AAK1: variants seen among roughly 807,000 people sequenced by gnomAD.
The protein encoded by AAK1 is AP2-associated protein kinase 1.
Under a neutral mutation model 116.0 loss-of-function variants are expected in AAK1, and 37 were observed. That is an observed-to-expected ratio of 0.32 (90% confidence interval 0.25 to 0.42). AAK1 has a LOEUF of 0.42. AAK1 is among the 10% of genes least tolerant of loss of function. The pLI, the probability that AAK1 is intolerant of heterozygous loss-of-function variation, is 1.00. For missense variants in AAK1, 919 were observed against 1,170.6 expected, an observed-to-expected ratio of 0.79 and a Z score of 3.14; for synonymous variants, 458 against 439.9, an observed-to-expected ratio of 1.04 and a Z score of -0.51.
chr2:69,513,630 T>C (rs1307194078), intron 13 of AAK1, among the ~76,000 whole-genome samples: 2 of 152,222 alleles, frequency 1.3e-5, no homozygotes, highest in African/African-American at 4.8e-5. Flanking sequence ...AGCAGAAAGA[T>C]GGCTTCTTAC....
intron 2 of AAK1, among the ~76,000 whole-genome samples, chr2:69,616,475 T>A (rs1314546304): frequency 6.6e-6 from 1 of 151,986 alleles, no homozygotes; most frequent in Admixed American, 6.5e-5. Flanking sequence ...CTATTTTTTT[T>A]ATGACTTAAG....
At chr2:69,636,861 G>A (rs778424187) in intron 2 of AAK1, among the ~76,000 whole-genome samples, 32 of 151,938 alleles carry the variant, frequency 2.1e-4, no homozygotes, top group Non-Finnish European at 4.0e-4. Context: ...CACCACGCCC[G>A]GCTAATTTTT....
chr2:69,520,770 G>A, intron 11 of AAK1, 64 bp downstream of exon 11: 1 of 1,489,234 alleles, frequency 6.7e-7, no homozygotes, highest in South Asian at 1.4e-5. Context: ...GGCTTTCCAA[G>A]ACTTCTCTGT....
chr2:69,466,551 T>A lies in AAK1; in HGVS notation c.*9318A>T, dbSNP rs899589172. 8.5e-7 allele frequency: 1 copy of A among 1,183,422 alleles called. No individual in the cohort carries two copies. Among genetic ancestry groups the A allele is most frequent in the African/African-American group, 1.6e-5 (1 of 62,492 alleles). The allele number at this position is 1,183,422 out of a possible 1,614,324, so 73.3% of individuals were successfully genotyped here. ...ACAGGGATTGGACTCCCTCTGGAGA[T>A]CTAGAAAAGCATAAAATGCAGAATT... On this transcript the variant is annotated 3_prime_UTR_variant, in exon 22 of 22. Transcript: ENST00000409085.
chr2:69,528,296 T>C (rs565746897), intron 8 of AAK1, among the ~76,000 whole-genome samples: 7 of 152,262 alleles, frequency 4.6e-5, no homozygotes, highest in Admixed American at 2.0e-4. Flanking sequence ...TGTGAGACCA[T>C]TGGCAAGCCG....
chr2:69,492,357 G>T (rs2104922778), intron 17 of AAK1, among the ~76,000 whole-genome samples: 1 of 151,734 alleles, frequency 6.6e-6, no homozygotes, highest in South Asian at 2.1e-4. Context: ...GGGATTATAG[G>T]CGCCCACCAC....
At chr2:69,480,755 C>G (rs978958599) in intron 19 of AAK1, 105 bp downstream of exon 19, 78 of 897,536 alleles carry the variant, frequency 8.7e-5, no homozygotes, top group Non-Finnish European at 1.2e-4. Context: ...GAGGAACTAC[C>G]TGGGCTTCAA....
chr2:69,484,416 T>C (rs554323904), intron 17 of AAK1, among the ~76,000 whole-genome samples: 1 of 152,306 alleles, frequency 6.6e-6, no homozygotes, highest in Admixed American at 6.5e-5. Context: ...CAATTCACCA[T>C]CTCTGGAGTC....
At chr2:69,522,376 T>G (rs1669824793) in intron 10 of AAK1, among the ~76,000 whole-genome samples, 1 of 152,204 alleles carries the variant, frequency 6.6e-6, no homozygotes, top group Non-Finnish European at 1.5e-5. Flanking sequence ...ACTGGCAACC[T>G]GTTAGAGGGA....
At chr2:69,504,976 A>AT (rs1413133093) in intron 16 of AAK1, among the ~76,000 whole-genome samples, 3 of 152,142 alleles carry the variant, frequency 2.0e-5, no homozygotes, top group East Asian at 1.9e-4. Context: ...AAAATGTATA[A>AT]TTTTTTATTA....
chr2:69,614,562 A>C (rs762050441), intron 2 of AAK1, among the ~76,000 whole-genome samples: 14 of 152,134 alleles, frequency 9.2e-5, no homozygotes, highest in Non-Finnish European at 8.8e-5. Flanking sequence ...ACAAAAACAA[A>C]AACAAAAACC....
rs1268394919 is a variant in AAK1 at position 69,472,510 on chromosome 2, CT to C, written c.*3358del. 1.4e-6 allele frequency: 1 copy of C among 705,820 alleles called. No individual in the cohort carries two copies. The highest frequency in any genetic ancestry group is 1.7e-6 in the Non-Finnish European group (1 of 575,068). 43.7% of individuals were successfully genotyped at this position (705,820 alleles called of 1,614,324 possible). A position where few individuals can be genotyped will look rare whatever the true frequency, so the allele number is the denominator to read the frequency against. Reference sequence around the variant, plus strand: ...CTAGATGACATTGAGGGGAACAACACTTAATTAGATGTCAAAATTCTGATAT... The same window carrying C: ...CTAGATGACATTGAGGGGAACAACACTAATTAGATGTCAAAATTCTGATAT... On this transcript the variant is annotated 3_prime_UTR_variant, in exon 22 of 22. Coordinates refer to ENST00000409085, the MANE Select transcript of AAK1 (RefSeq NM_014911.5).
At chr2:69,605,148 C>A (rs1673744977) in intron 2 of AAK1, among the ~76,000 whole-genome samples, 1 of 152,170 alleles carries the variant, frequency 6.6e-6, no homozygotes, top group Non-Finnish European at 1.5e-5. Context: ...GAAGCCCTCC[C>A]TACCCCAGCA....
At chr2:69,546,835 T>G (rs765057250) in intron 3 of AAK1, among the ~76,000 whole-genome samples, 21 of 145,686 alleles carry the variant, frequency 1.4e-4, no homozygotes, top group Admixed American at 6.3e-4. Context: ...CATCTGCTGG[T>G]TAATAAACTA....
intron 3 of AAK1, among the ~76,000 whole-genome samples, chr2:69,551,352 A>G (rs1423377875): frequency 6.6e-6 from 1 of 152,216 alleles, no homozygotes; most frequent in Non-Finnish European, 1.5e-5. Flanking sequence ...ACATTTACCT[A>G]TGTAACAAAC....
At chr2:69,621,993 G>GC (rs1172710598) in intron 2 of AAK1, among the ~76,000 whole-genome samples, 5 of 152,250 alleles carry the variant, frequency 3.3e-5, no homozygotes, top group African/African-American at 1.2e-4. Context: ...TGCTTGAGGA[G>GC]CCCTTCAGCC....
chr2:69,527,825 T>C (rs1670085704), intron 8 of AAK1, among the ~76,000 whole-genome samples: 1 of 152,238 alleles, frequency 6.6e-6, no homozygotes, highest in African/African-American at 2.4e-5. Context: ...TCCTGTGACC[T>C]ATAGATCACT....
chr2:69,463,534 T>A lies in AAK1; in HGVS notation c.*12335A>T, dbSNP rs974800406. 6.6e-6 allele frequency: 1 copy of A among 152,110 alleles called. No homozygotes were observed. Among genetic ancestry groups the A allele is most frequent in the African/African-American group, 2.4e-5 (1 of 41,422 alleles). The allele number at this position is 152,110 out of a possible 1,614,324, so 9.4% of individuals were successfully genotyped here. A position where few individuals can be genotyped will look rare whatever the true frequency, so the allele number is the denominator to read the frequency against. On this transcript the variant is annotated 3_prime_UTR_variant, in exon 22 of 22. Transcript: ENST00000409085. ...TTCATTATTTTATTTAATTTTATTT[T>A]TTAGACTCGCTCTGTCGCCCAGGCC...
At chr2:69,554,937 C>A (rs1340807356) in intron 3 of AAK1, among the ~76,000 whole-genome samples, 1 of 152,220 alleles carries the variant, frequency 6.6e-6, no homozygotes, top group Non-Finnish European at 1.5e-5. Flanking sequence ...TCCTCATGGG[C>A]CTGTGCTTCT....
Sources: gnomAD v4.1 joint callset for allele counts (sites outside exome capture counted in the v4.1 genomes callset) on GRCh38, gnomAD v4.1.1 for gene constraint, MANE v1.5 for transcripts, NCBI Gene and HGNC (gene_info 2026-07-23, HGNC 2026-07-21) for gene names.